Variants in CNKSR2 observed in about 807,000 individuals in gnomAD.
CNKSR2 encodes the protein CNK homolog protein 2.
CNKSR2 carries 14 observed loss-of-function variants against 84.4 expected under a neutral mutation model. The ratio of observed to expected loss-of-function variants is 0.17; its 90% CI spans 0.11 to 0.26. CNKSR2 has a LOEUF of 0.26. Among genes scored for constraint, CNKSR2 ranks in the 10% least tolerant of loss-of-function variants. CNKSR2 has a pLI of 1.00. For missense variants in CNKSR2, 485 were observed against 771.2 expected (o/e 0.63, Z 4.40); for synonymous variants, 275 against 277.9 (o/e 0.99, Z 0.10).
chrX:21,475,001 T>C (rs1189952886), intron 5 of CNKSR2, among the ~76,000 whole-genome samples: 1 of 112,203 alleles, frequency 8.9e-6, no homozygotes, highest in East Asian at 2.8e-4. Flanking sequence ...ATAACAAATA[T>C]GTGTTAATCA....
chrX:21,387,948 G>C (rs1391191411), intron 1 of CNKSR2, among the ~76,000 whole-genome samples: 1 of 110,800 alleles, frequency 9.0e-6, no homozygotes, highest in Non-Finnish European at 1.9e-5. Flanking sequence ...CGCCCAGGCT[G>C]AAGTGCAGTG....
intron 20 of CNKSR2, among the ~76,000 whole-genome samples, chrX:21,635,907 G>T (rs187550905): frequency 9.0e-6 from 1 of 110,959 alleles, no homozygotes; most frequent in Admixed American, 9.7e-5. Flanking sequence ...AATAGCGTGG[G>T]TCATAGATGT....
intron 1 of CNKSR2, among the ~76,000 whole-genome samples, chrX:21,375,238 A>G (rs895807623): frequency 8.9e-6 from 1 of 112,751 alleles, no homozygotes; most frequent in African/African-American, 3.2e-5. Context: ...ATACCGGCGC[A>G]TCTTGCGTAC....
chrX:21,499,033 A>G (rs1378183133), intron 7 of CNKSR2, among the ~76,000 whole-genome samples: 2 of 111,674 alleles, frequency 1.8e-5, no homozygotes, highest in Non-Finnish European at 3.8e-5. Context: ...GAAAGGTGAA[A>G]CATATATATT....
At chrX:21,442,322 A>G (rs2090795286) in intron 4 of CNKSR2, among the ~76,000 whole-genome samples, 1 of 110,941 alleles carries the variant, frequency 9.0e-6, no homozygotes, top group Admixed American at 9.6e-5. Context: ...CTGAAGCTTC[A>G]TTTAGAACAC....
chrX:21,652,552 T>A lies in CNKSR2; in HGVS notation c.*31T>A. The A allele has an allele frequency of 3.9e-6, 4 of 1,033,974 alleles. No homozygotes were observed. The highest frequency in any genetic ancestry group is 5.4e-6 in the Non-Finnish European group (4 of 735,546). 85.2% of individuals were successfully genotyped at this position (1,033,974 alleles called of 1,213,427 possible). A position where few individuals can be genotyped will look rare whatever the true frequency, so the allele number is the denominator to read the frequency against. On this transcript the variant is annotated 3_prime_UTR_variant, in exon 22 of 22. Transcript: ENST00000379510. ...TTCTGCCTTCAGACCATCTAGTACC[T>A]GCTGGTACTCTGAACAAGTATATAA... is the stretch of plus-strand genomic sequence containing the variant.
chrX:21,614,227 T>C (rs775150352), intron 20 of CNKSR2, among the ~76,000 whole-genome samples: 1 of 111,385 alleles, frequency 9.0e-6, no homozygotes, highest in East Asian at 2.8e-4. Context: ...GGTCATGAAT[T>C]CTATTTTTAA....
At chrX:21,564,411 T>A (rs910881854) in intron 13 of CNKSR2, among the ~76,000 whole-genome samples, 8 of 111,526 alleles carry the variant, frequency 7.2e-5, no homozygotes, top group African/African-American at 2.6e-4. Flanking sequence ...ATAATGGCCG[T>A]GTGGAAGCTG....
chrX:21,435,087 GAT>G (rs2090685830), intron 3 of CNKSR2, among the ~76,000 whole-genome samples: 1 of 108,609 alleles, frequency 9.2e-6, no homozygotes, highest in Non-Finnish European at 1.9e-5. Context: ...TTGAGGAAGG[GAT>G]ATGGCATATA....
At position 21,432,676 on chromosome X, in the gene CNKSR2, A is replaced by G. The variant is rs2090650857; in HGVS notation, c.293A>G (p.Asn98Ser). ...LSHKLNASAK[N>S]LQNFITGRRR... ...CACAAGTTGAATGCATCTGCCAAAA[A>G]TCTGCAGAATTTTATAACAGGAAGG... The change falls in exon 3 of 22, where the codon AAT (asparagine) becomes AGT (serine). Residue 98 changes from asparagine to serine, a missense_variant. Physicochemically the swap from Asn to Ser is conservative, Grantham distance 46 (BLOSUM62 1). Coordinates refer to ENST00000379510, the MANE Select transcript of CNKSR2 (RefSeq NM_014927.5). 8.3e-7 allele frequency: 1 copy of G among 1,200,915 alleles called. No individual in the cohort carries two copies. The highest frequency in any genetic ancestry group is 1.1e-6 in the Non-Finnish European group (1 of 889,397).
intron 1 of CNKSR2, among the ~76,000 whole-genome samples, chrX:21,391,300 T>C (rs1439536690): frequency 8.9e-6 from 1 of 112,706 alleles, no homozygotes; most frequent in Admixed American, 9.3e-5. Flanking sequence ...ATTGCCCTAG[T>C]AGAGGTCATC....
intron 5 of CNKSR2, among the ~76,000 whole-genome samples, chrX:21,482,767 G>A (rs1349851289): frequency 9.0e-6 from 1 of 111,432 alleles, no homozygotes; most frequent in Non-Finnish European, 1.9e-5. Context: ...GTAGTAGTTG[G>A]CGTTTGAATC....
At chrX:21,473,752 T>TTTTTTTTTTTTTTTTTTTTTTTTTA in intron 5 of CNKSR2, among the ~76,000 whole-genome samples, 1 of 87,994 alleles carries the variant, frequency 1.1e-5, no homozygotes, top group African/African-American at 5.8e-5. Flanking sequence ...TTGGTTTTTT[T>TTTTTTTTTTTTTTTTTTTTTTTTTA]TTTTTTTTTT....
chrX:21,564,221 G>A (rs1037703416), intron 13 of CNKSR2, among the ~76,000 whole-genome samples: 3 of 111,102 alleles, frequency 2.7e-5, no homozygotes, highest in Non-Finnish European at 5.7e-5. Flanking sequence ...GGTTAGATGA[G>A]GAACTGTATG....
intron 4 of CNKSR2, among the ~76,000 whole-genome samples, chrX:21,443,421 G>A (rs779333472): frequency 1.8e-5 from 2 of 111,456 alleles, no homozygotes; most frequent in Non-Finnish European, 3.8e-5. Flanking sequence ...ATTTTGAAGT[G>A]TTAAATACAG....
intron 20 of CNKSR2, 26 bp from the exon 21 acceptor site, chrX:21,648,794 CTTTTTTTTTTT>C (rs33962399): frequency 6.0e-5 from 19 of 316,219 alleles, no homozygotes; most frequent in African/African-American, 1.2e-4. Context: ...CTCTCTCTTT[CTTTTTTTTTTT>C]TTTTTTTTTT....
At chrX:21,590,682 T>G in intron 14 of CNKSR2, 62 bp downstream of exon 14, 1 of 1,081,019 alleles carries the variant, frequency 9.3e-7, no homozygotes, top group Non-Finnish European at 1.3e-6. Flanking sequence ...CCCAACACAC[T>G]TCATCCATGC....
At chrX:21,533,101 T>A (rs2091899283) in intron 11 of CNKSR2, among the ~76,000 whole-genome samples, 1 of 111,140 alleles carries the variant, frequency 9.0e-6, no homozygotes, top group Non-Finnish European at 1.9e-5. Context: ...GAACCATACT[T>A]ATCTTACCTT....
intron 5 of CNKSR2, among the ~76,000 whole-genome samples, chrX:21,472,619 A>G (rs886501990): frequency 5.4e-5 from 6 of 111,525 alleles, no homozygotes; most frequent in Middle Eastern, 4.2e-3. Flanking sequence ...AGCCTTTTCT[A>G]TGGAGGAATA....
Sources: gnomAD v4.1 joint callset for allele counts (sites outside exome capture counted in the v4.1 genomes callset) on GRCh38, gnomAD v4.1.1 for gene constraint, MANE v1.5 for transcripts, NCBI Gene and HGNC (gene_info 2026-07-23, HGNC 2026-07-21) for gene names.